Variants in ADAM8 observed in about 807,000 individuals in gnomAD.
ADAM8 encodes the protein disintegrin and metalloproteinase domain-containing protein 8.
ADAM8 carries 104 observed loss-of-function variants against 102.4 expected under a neutral mutation model. The ratio of observed to expected loss-of-function variants is 1.02; its 90% CI spans 0.87 to 1.20. ADAM8 has a LOEUF of 1.20. ADAM8 is among the 50% of genes most tolerant of loss of function. ADAM8 has a pLI of 0.00. For synonymous variants in ADAM8, 517 were observed against 485.2 expected (o/e 1.07, Z -0.86); for missense variants, 1,132 against 1,159.0 (o/e 0.98, Z 0.34).
chr10:133,263,575 C>T (rs1364278332), intron 22 of ADAM8, 113 bp downstream of exon 22: 4 of 939,664 alleles, frequency 4.3e-6, no homozygotes, highest in Non-Finnish European at 4.6e-6. Flanking sequence ...AGTTTATCCA[C>T]AGATAATCAG....
At chr10:133,263,894 G>T (rs1169503389) in intron 21 of ADAM8, 129 bp from the exon 22 acceptor site, 6 of 783,812 alleles carry the variant, frequency 7.7e-6, no homozygotes, top group African/African-American at 1.8e-5. Flanking sequence ...GAGCCTGCAG[G>T]CTCCGCCCCC....
chr10:133,273,806 C>G lies in ADAM8; in HGVS notation c.339G>C (p.Gly113=). 6.5e-7 allele frequency: 1 copy of G among 1,549,188 alleles called. No individual in the cohort carries two copies. The highest frequency in any genetic ancestry group is 8.7e-7 in the Non-Finnish European group (1 of 1,146,778). The change falls in exon 5 of 23, where the codon GGG becomes GGC. Residue 113 remains glycine, a synonymous_variant. Coordinates refer to ENST00000445355, the MANE Select transcript of ADAM8 (RefSeq NM_001109.5). ...TGAGGCTGGCGGCTGAGTCCGGGTA[C>G]CCCTCTACGTGGCCCTGGTAGAAGC... ...DHCFYQGHVE[G]YPDSAASLST... is the part of the protein sequence containing the mutation.
chr10:133,265,685 T>C (rs562641374), intron 21 of ADAM8, among the ~76,000 whole-genome samples: 9 of 151,168 alleles, frequency 6.0e-5, no homozygotes, highest in South Asian at 2.1e-4. Flanking sequence ...TAGTCTCAGA[T>C]ACATTGGGAG....
At chr10:133,264,903 T>C (rs61046914) in intron 21 of ADAM8, among the ~76,000 whole-genome samples, 7 of 101,620 alleles carry the variant, frequency 6.9e-5, no homozygotes, top group South Asian at 4.2e-4. Context: ...TCTACCTCCA[T>C]GCCCAGCTCC....
At position 133,271,595 on chromosome 10, in the gene ADAM8, A is replaced by C; in HGVS notation, c.1217T>G (p.Val406Gly). 1.3e-6 allele frequency: 2 copies of C among 1,557,960 alleles called. No individual in the cohort carries two copies. The highest frequency in any genetic ancestry group is 1.7e-6 in the Non-Finnish European group (2 of 1,151,030). Residue 406 changes from valine to glycine, a missense_variant, in exon 12 of 23, where the codon GTG becomes GGG. Transcript: ENST00000445355. The part of the protein sequence containing the change: ...LANAPDLSHL[V>G]GGPVCGNLFV... ...CAGGTTCCCACACACGGGGCCGCCC[A>C]CCAGGTGGCTGAGGTCAGGGGCGTT...
At position 133,269,514 on chromosome 10, in the gene ADAM8, G is replaced by C. The variant is rs768959467; in HGVS notation, c.1879C>G (p.Gln627Glu). 3.8e-6 allele frequency: 6 copies of C among 1,598,308 alleles called. No individual in the cohort carries two copies. In the Admixed American group the frequency reaches 1.0e-4, roughly 27 times the overall value. Residue 627 changes from glutamine to glutamate, a missense_variant, in exon 18 of 23, where the codon CAG becomes GAG. By Grantham distance (29) the Gln-to-Glu change is conservative. Coordinates refer to ENST00000445355, the MANE Select transcript of ADAM8 (RefSeq NM_001109.5). ...CHNHGVCNHKQECHCHAGWAP... is the reference protein window; with the variant it reads ...CHNHGVCNHKEECHCHAGWAP... ...CAGCCCGCGTGGCAGTGGCACTCCT[G>C]CTTGTGGTTGCACACCTGCGGGGAC...
chr10:133,270,114 C>G (rs1846469490), intron 16 of ADAM8, 140 bp from the exon 17 acceptor site: 1 of 1,173,374 alleles, frequency 8.5e-7, no homozygotes, highest in South Asian at 1.4e-5. Context: ...TGCCGGCTGC[C>G]TACCCCCAAA....
rs1564927198 is a variant in ADAM8, at chr10:133,273,724, C to T, written c.383+38G>A. On this transcript the variant is annotated intron_variant, in intron 5 of 22. Coordinates refer to ENST00000445355, the MANE Select transcript of ADAM8 (RefSeq NM_001109.5). ...CACCACAGGCTTAGGCCTTCCTCTC[C>T]ACCTGCGGGAGCCCTGGCGTTCGTC... is the stretch of plus-strand genomic sequence containing the variant. 1.9e-6 allele frequency: 3 copies of T among 1,541,778 alleles called. No individual in the cohort carries two copies. In the Admixed American group the frequency reaches 5.9e-5, roughly 30 times the overall value.
intron 21 of ADAM8, among the ~76,000 whole-genome samples, chr10:133,265,389 A>G (rs1331701667): frequency 6.6e-6 from 1 of 152,226 alleles, no homozygotes; most frequent in East Asian, 1.9e-4. Flanking sequence ...TGCCCCCTTC[A>G]GGCCCCCATT....
intron 10 of ADAM8, 34 bp downstream of exon 10, chr10:133,272,159 T>A (rs547521022): frequency 2.5e-5 from 39 of 1,546,352 alleles, no homozygotes; most frequent in Non-Finnish European, 3.3e-5. Flanking sequence ...AGCTCTGGCC[T>A]CGGCCTGGCA....
At position 133,262,854 on chromosome 10, in the gene ADAM8, G is replaced by A. The variant is rs1316769844; in HGVS notation, c.*302C>T. ...GTATATGTGGCCTCCTGAACACAGC[G>A]GGAGACCAGCGGCCACCTGGAGACA... On this transcript the variant is annotated 3_prime_UTR_variant, in exon 23 of 23. Coordinates refer to ENST00000445355, the MANE Select transcript of ADAM8 (RefSeq NM_001109.5). 4 of 449,716 alleles carry A rather than the reference G, an allele frequency of 8.9e-6. No homozygotes were observed. Among genetic ancestry groups the A allele is most frequent in the Admixed American group, 3.9e-5 (1 of 25,544 alleles). The allele number at this position is 449,716 out of a possible 1,614,324, so 27.9% of individuals were successfully genotyped here. A position where few individuals can be genotyped will look rare whatever the true frequency, so the allele number is the denominator to read the frequency against.
At chr10:133,268,722 T>A (rs1187145073) in intron 19 of ADAM8, 26 bp downstream of exon 19, 5 of 1,597,834 alleles carry the variant, frequency 3.1e-6, no homozygotes, top group Non-Finnish European at 3.4e-6. Context: ...CTCGCCACCC[T>A]CCGTCACAGC....
intron 21 of ADAM8, among the ~76,000 whole-genome samples, chr10:133,265,612 A>C (rs1008130594): frequency 3.9e-5 from 6 of 152,096 alleles, no homozygotes; most frequent in African/African-American, 9.7e-5. Context: ...TAACACAGTG[A>C]AACCCCGTCT....
At position 133,276,744 on chromosome 10, in the gene ADAM8, C is replaced by G. The variant is rs1417094306; in HGVS notation, c.46+28G>C. ...GAGAGCCACCCTGCCCCGCGCTGCGCCCGGGACGGTTCCCTGGAACCACTC... is the reference window on the plus strand; with the variant it reads ...GAGAGCCACCCTGCCCCGCGCTGCGGCCGGGACGGTTCCCTGGAACCACTC... On this transcript the variant is annotated intron_variant, in intron 1 of 22. Coordinates refer to ENST00000445355, the MANE Select transcript of ADAM8 (RefSeq NM_001109.5). 3.9e-6 allele frequency: 6 copies of G among 1,532,146 alleles called. No individual in the cohort carries two copies. The East Asian group carries it at 1.3e-4, about 32-fold the overall frequency. The allele number at this position is 1,532,146 out of a possible 1,614,324, so 94.9% of individuals were successfully genotyped here. A position where few individuals can be genotyped will look rare whatever the true frequency, so the allele number is the denominator to read the frequency against.
At chr10:133,276,694 C>T (rs1053741532) in intron 1 of ADAM8, 78 bp downstream of exon 1, 1 of 1,503,078 alleles carries the variant, frequency 6.7e-7, no homozygotes, top group Non-Finnish European at 8.8e-7. Context: ...GCCAGGGGCT[C>T]GGGGTCCGCG....
chr10:133,276,714 G>A, intron 1 of ADAM8, 58 bp downstream of exon 1: 3 of 1,516,432 alleles, frequency 2.0e-6, no homozygotes, highest in Admixed American at 2.0e-5. Context: ...GTCGCGTCCT[G>A]CGGGGAGAGC....
intron 3 of ADAM8, 58 bp downstream of exon 3, chr10:133,274,101 G>T: frequency 6.3e-7 from 1 of 1,586,812 alleles, no homozygotes. Context: ...TGGACGCCGG[G>T]GACACCAGTG....
chr10:133,272,369 G>T (rs747360554), intron 9 of ADAM8, 47 bp downstream of exon 9: 2 of 197,696 alleles, frequency 1.0e-5, no homozygotes, highest in Non-Finnish European at 1.5e-5. Flanking sequence ...CACCCTGCCC[G>T]CCCTCCCTCC....
intron 1 of ADAM8, chr10:133,275,971 T>C (rs1234256517): frequency 5.2e-6 from 1 of 192,670 alleles, no homozygotes; most frequent in Non-Finnish European, 1.1e-5. Context: ...CCTCCTCCAT[T>C]CTTCTGATCA....
Sources: allele counts gnomAD v4.1 joint callset (sites outside exome capture counted in the v4.1 genomes callset), GRCh38; gene constraint gnomAD v4.1.1; transcripts MANE v1.5; gene names NCBI Gene and HGNC (gene_info 2026-07-23, HGNC 2026-07-21).